Variants in CUL3 observed in about 807,000 individuals in gnomAD.
CUL3 encodes the protein cullin 3, also known as cullin-3.
A neutral mutation model predicts 89.1 loss-of-function variants in CUL3; 19 were observed. The ratio of observed to expected loss-of-function variants is 0.21; its 90% confidence interval spans 0.15 to 0.31. The LOEUF is 0.31. Among genes scored for constraint, CUL3 ranks in the 10% least tolerant of loss-of-function variants. The pLI is 1.00. For synonymous variants in CUL3, 351 were observed against 308.4 expected, an observed-to-expected ratio of 1.14 and a Z score of -1.45; for missense variants, 469 against 942.3, an observed-to-expected ratio of 0.50 and a Z score of 6.58.
chr2:224,528,982 C>A (rs1693586894), intron 3 of CUL3, among the ~76,000 whole-genome samples: 1 of 152,148 alleles, frequency 6.6e-6, no homozygotes, highest in African/African-American at 2.4e-5. Flanking sequence ...CACAGCAATT[C>A]TTCTATTAGC....
Position 224,470,232 on chromosome 2 carries a change from T to C in CUL3, c.*4013A>G, listed in dbSNP as rs531838524. 1.9e-5 allele frequency: 4 copies of C among 213,832 alleles called. No homozygotes were observed. The highest frequency in any genetic ancestry group is 1.9e-4 in the South Asian group (1 of 5,334). 13.2% of individuals were successfully genotyped at this position (213,832 alleles called of 1,614,324 possible). A position where few individuals can be genotyped will look rare whatever the true frequency, so the allele number is the denominator to read the frequency against. On this transcript the variant is annotated 3_prime_UTR_variant, in exon 16 of 16. Coordinates refer to ENST00000264414, the MANE Select transcript of CUL3 (RefSeq NM_003590.5). Reference sequence around the variant, plus strand: ...GTTTATTAGTTGAACTGTCCTGTTATTAAAATCTTGAAATTTGACAATTTC... The same window carrying C: ...GTTTATTAGTTGAACTGTCCTGTTACTAAAATCTTGAAATTTGACAATTTC...
chr2:224,560,624 G>A (rs1694872645), intron 1 of CUL3: 2 of 152,602 alleles, frequency 1.3e-5, no homozygotes, highest in Non-Finnish European at 2.9e-5. Flanking sequence ...ACTTCAAAAT[G>A]TATCCCCAGA....
chr2:224,532,482 G>A (rs1301774799), intron 3 of CUL3, among the ~76,000 whole-genome samples: 2 of 151,184 alleles, frequency 1.3e-5, no homozygotes, highest in South Asian at 2.1e-4. Context: ...AAAACAAGGA[G>A]AATGGGGATT....
chr2:224,504,489 A>C (rs1692513578), intron 8 of CUL3, among the ~76,000 whole-genome samples: 1 of 152,050 alleles, frequency 6.6e-6, no homozygotes. Flanking sequence ...TTGTATTTTT[A>C]GTAGAGATGG....
chr2:224,583,761 CT>C (rs1265673348), intron 1 of CUL3, among the ~76,000 whole-genome samples: 1 of 152,206 alleles, frequency 6.6e-6, no homozygotes, highest in Admixed American at 6.5e-5. Context: ...TTCTCTGAAA[CT>C]AAATCACTTG....
chr2:224,534,025 T>TA (rs1180435292), intron 3 of CUL3, among the ~76,000 whole-genome samples: 1 of 152,026 alleles, frequency 6.6e-6, no homozygotes, highest in African/African-American at 2.4e-5. Flanking sequence ...ACATTAAAAC[T>TA]AAAAAAACTA....
At chr2:224,530,111 C>T (rs561640549) in intron 3 of CUL3, among the ~76,000 whole-genome samples, 91 of 152,070 alleles carry the variant, frequency 6.0e-4, no homozygotes, top group Middle Eastern at 3.4e-3. Context: ...TGGTGGCAGG[C>T]GCCTGTAGTC....
At position 224,497,210 on chromosome 2, in the gene CUL3, C is replaced by G. The variant is rs1032359433; in HGVS notation, c.1707+543G>C. On this transcript the variant is annotated intron_variant, in intron 12 of 15. Coordinates refer to ENST00000264414, the MANE Select transcript of CUL3 (RefSeq NM_003590.5). ...GAAGGCAAAAAATCCTGATTCATAT[C>G]AAGTAATGAAAATAAATTATTACTC... Among the ~76,000 whole-genome samples the G allele has an allele frequency of 6.6e-5, 10 of 151,940 alleles. No individual in the cohort carries two copies. The East Asian group carries it at 7.7e-4, about 12-fold the overall frequency.
chr2:224,536,776 G>A (rs1473767316), intron 2 of CUL3, among the ~76,000 whole-genome samples: 1 of 152,096 alleles, frequency 6.6e-6, no homozygotes, highest in Non-Finnish European at 1.5e-5. Context: ...AAATGTTATT[G>A]ACCACTACTC....
chr2:224,524,901 C>T (rs1693410232), intron 3 of CUL3, among the ~76,000 whole-genome samples: 1 of 149,274 alleles, frequency 6.7e-6, no homozygotes, highest in Admixed American at 6.7e-5. Flanking sequence ...TGGTAAGTAA[C>T]AAAACAAAAA....
intron 2 of CUL3, among the ~76,000 whole-genome samples, chr2:224,540,651 G>A (rs1694069675): frequency 6.6e-6 from 1 of 152,244 alleles, no homozygotes; most frequent in African/African-American, 2.4e-5. Flanking sequence ...TGTAATAATA[G>A]TATTTATGCA....
At position 224,584,898 on chromosome 2, in the gene CUL3, G is replaced by GCCCGGCC. The variant is rs778336559; in HGVS notation, c.66+39_66+45dup. 120 of 1,410,806 alleles carry GCCCGGCC rather than the reference G, an allele frequency of 8.5e-5. 2 individuals carry two copies. The South Asian group carries it at 9.5e-4, about 11-fold the overall frequency. 87.4% of individuals were successfully genotyped at this position (1,410,806 alleles called of 1,614,324 possible). A position where few individuals can be genotyped will look rare whatever the true frequency, so the allele number is the denominator to read the frequency against. ...GCCCGGGCCTCGCGTGCGGCTCTCGGCCCGGCCCCCGGCCCCGGGGTCCCG... is the reference window on the plus strand; with the variant it reads ...GCCCGGGCCTCGCGTGCGGCTCTCGGCCCGGCCCCCGGCCCCCGGCCCCGGGGTCCCG... On this transcript the variant is annotated intron_variant, in intron 1 of 15. Coordinates refer to ENST00000264414, the MANE Select transcript of CUL3 (RefSeq NM_003590.5).
At chr2:224,489,677 T>C (rs754648804) in intron 13 of CUL3, among the ~76,000 whole-genome samples, 2 of 152,186 alleles carry the variant, frequency 1.3e-5, no homozygotes, top group Admixed American at 6.5e-5. Context: ...TTCAATGCTA[T>C]TCCCATCAAG....
chr2:224,474,804 A>G (rs1236911121), intron 15 of CUL3, among the ~76,000 whole-genome samples: 1 of 152,202 alleles, frequency 6.6e-6, no homozygotes, highest in African/African-American at 2.4e-5. Context: ...ACCTTGGCCC[A>G]CTGGTGTGTA....
chr2:224,519,529 A>G (rs752361231), intron 3 of CUL3, among the ~76,000 whole-genome samples: 1 of 152,230 alleles, frequency 6.6e-6, no homozygotes, highest in South Asian at 2.1e-4. Flanking sequence ...TATAATATTA[A>G]GAAAAACTTG....
At chr2:224,516,283 G>C (rs1693041604) in intron 3 of CUL3, among the ~76,000 whole-genome samples, 2 of 149,028 alleles carry the variant, frequency 1.3e-5, no homozygotes, top group Admixed American at 1.3e-4. Flanking sequence ...TAAATTCCAA[G>C]TTTCCCTCTG....
chr2:224,471,242 T>C lies in CUL3; in HGVS notation c.*3003A>G, dbSNP rs1010241063. The C allele has an allele frequency of 1.4e-5, 3 of 208,224 alleles. No homozygotes were observed. The highest frequency in any genetic ancestry group is 6.8e-5 in the African/African-American group (3 of 43,910). The allele number at this position is 208,224 out of a possible 1,614,324, so 12.9% of individuals were successfully genotyped here. The stretch of plus-strand genomic sequence containing the variant: ...AGCTTTCCTTCCAAGATTGACACAA[T>C]ATACCATATACTCTATAAAAAATTA... On this transcript the variant is annotated 3_prime_UTR_variant, in exon 16 of 16. Coordinates refer to ENST00000264414, the MANE Select transcript of CUL3 (RefSeq NM_003590.5).
rs139541650 is a variant in CUL3, at chr2:224,482,973, G to A, written c.1843-895C>T. Among the ~76,000 whole-genome samples, 181 of 152,224 alleles carry A rather than the reference G, an allele frequency of 1.2e-3. 1 individual carries two copies. The highest frequency in any genetic ancestry group is 8.1e-3 in the East Asian group (42 of 5,188). On this transcript the variant is annotated intron_variant, in intron 13 of 15. Transcript: ENST00000264414. ...TTCAGATTATACGAGTAACTGATCTGGAGAGTCAGTCATTCTCTCTAGACA... is the reference window on the plus strand; with the variant it reads ...TTCAGATTATACGAGTAACTGATCTAGAGAGTCAGTCATTCTCTCTAGACA...
intron 14 of CUL3, among the ~76,000 whole-genome samples, chr2:224,480,366 A>T (rs1691490453): frequency 6.6e-6 from 1 of 152,222 alleles, no homozygotes; most frequent in Non-Finnish European, 1.5e-5. Flanking sequence ...ATTTTGACTT[A>T]AACTATGAGT....
Sources: gnomAD v4.1 joint callset for allele counts (sites outside exome capture counted in the v4.1 genomes callset) on GRCh38, gnomAD v4.1.1 for gene constraint, MANE v1.5 for transcripts, NCBI Gene and HGNC (gene_info 2026-07-23, HGNC 2026-07-21) for gene names.